The following COL6A3 variants were observed in gnomAD, a reference collection of about 807,000 sequenced individuals.
COL6A3 encodes collagen type VI alpha 3 chain.
COL6A3 carries 137 observed loss-of-function variants against 274.1 expected under a neutral mutation model. That is an observed-to-expected ratio of 0.50 (90% CI 0.44 to 0.58). The LOEUF is 0.58. Among genes scored for constraint, COL6A3 ranks in the 20% least tolerant of loss-of-function variants. The pLI, the probability that COL6A3 is intolerant of heterozygous loss-of-function variation, is 0.00. For synonymous variants in COL6A3, 1,650 were observed against 1,650.6 expected (o/e 1.00, Z 0.01); for missense variants, 3,950 against 4,124.9 (o/e 0.96, Z 1.16).
At chr2:237,408,314 C>T (rs2078770471) in intron 1 of COL6A3, among the ~76,000 whole-genome samples, 1 of 152,222 alleles carries the variant, frequency 6.6e-6, no homozygotes, top group African/African-American at 2.4e-5. Context: ...GGCTCCTTGC[C>T]TGTTGCTCGA....
At chr2:237,369,778 A>C (rs1208259092) in intron 9 of COL6A3, among the ~76,000 whole-genome samples, 1 of 151,804 alleles carries the variant, frequency 6.6e-6, no homozygotes, top group Non-Finnish European at 1.5e-5. Flanking sequence ...TTTTGCTCAC[A>C]CATCTCTAGC....
In COL6A3 at chr2:237,381,354, C is replaced by T. The variant is rs752894703; in HGVS notation, c.1458G>A (p.Val486=). Residue 486 remains valine, a synonymous_variant, in exon 5 of 44, where the codon GTG becomes GTA. Transcript: ENST00000295550. ...GCCTCACAGTGTCTGCATACTGGGC[C>T]ACTGCCACCTGGATAAGATCCTGTC... ...EIGQDLIQVA[V]AQYADTVRPE... is the part of the protein sequence containing the mutation. 8 of 1,614,196 alleles carry T rather than the reference C, an allele frequency of 5.0e-6. No homozygotes were observed. The South Asian group carries it at 7.7e-5, about 16-fold the overall frequency.
Position 237,413,258 on chromosome 2 carries a change from C to T in COL6A3, c.-31+695G>A, listed in dbSNP as rs1270841567. On this transcript the variant is annotated intron_variant, in intron 1 of 43. Transcript: ENST00000295550. The surrounding 1 kb of genome is among the most constrained non-coding windows in gnomAD (Gnocchi z 4.0). The stretch of plus-strand genomic sequence containing the variant: ...AGACACTCAGCATGCTGCCCAAATG[C>T]CCAATTCCTTCTTCTCCTCTGACCC... Among the ~76,000 whole-genome samples, 1 of 152,210 alleles carries T rather than the reference C, an allele frequency of 6.6e-6. No homozygotes were observed. The highest frequency in any genetic ancestry group is 1.9e-4 in the East Asian group (1 of 5,196).
chr2:237,366,560 G>A (rs2077557209), intron 11 of COL6A3, 127 bp downstream of exon 11: 2 of 1,395,128 alleles, frequency 1.4e-6, no homozygotes, highest in Middle Eastern at 1.8e-4. Context: ...GTCCCAGTGG[G>A]TATAAGTAAA....
intron 4 of COL6A3, among the ~76,000 whole-genome samples, chr2:237,387,131 C>T (rs1046648824): frequency 3.3e-5 from 5 of 152,196 alleles, no homozygotes; most frequent in African/African-American, 1.2e-4. Context: ...GAGACACCCT[C>T]ACTCCATCTT....
intron 24 of COL6A3, among the ~76,000 whole-genome samples, chr2:237,353,845 A>G (rs1013290865): frequency 6.6e-6 from 1 of 152,268 alleles, no homozygotes; most frequent in Middle Eastern, 3.4e-3. Context: ...AGGCTGTTTA[A>G]GGAGACGGCT....
At chr2:237,355,037 AGGG>A in intron 23 of COL6A3, 103 bp from the exon 24 acceptor site, 2 of 1,109,326 alleles carry the variant, frequency 1.8e-6, no homozygotes, top group Non-Finnish European at 2.7e-6. Flanking sequence ...GCGGTTACTC[AGGG>A]GAATCTTCCC....
At chr2:237,403,399 T>C (rs1000414948) in intron 1 of COL6A3, among the ~76,000 whole-genome samples, 2 of 152,184 alleles carry the variant, frequency 1.3e-5, no homozygotes, top group African/African-American at 4.8e-5. Flanking sequence ...ATGAAACAAA[T>C]GTACCCTGTG....
At position 237,369,135 on chromosome 2, in the gene COL6A3, C is replaced by T; in HGVS notation, c.4328G>A (p.Ser1443Asn). 1 of 1,613,806 alleles carries T rather than the reference C, an allele frequency of 6.2e-7. No homozygotes were observed. Among genetic ancestry groups the T allele is most frequent in the Non-Finnish European group, 8.5e-7 (1 of 1,180,052 alleles). The change falls in exon 10 of 44, where the codon AGC becomes AAC. Residue 1443 changes from serine (S) to asparagine (N), a missense_variant. Physicochemically the swap from Ser to Asn is conservative, Grantham distance 46 (BLOSUM62 1). This residue lies in a region of COL6A3 where 1,934 missense variants were observed against 1,984.3 expected (regional missense o/e 0.97). Transcript: ENST00000295550. Reference protein sequence around the residue: ...DAADIVFLIDSSEGVRPDGFA... With the variant: ...DAADIVFLIDNSEGVRPDGFA... ...GCCATCTGGCCTAACTCCCTCAGAG[C>T]TGTCGATCAGAAAGACAATGTCTGC...
intron 14 of COL6A3, 54 bp downstream of exon 14, chr2:237,363,199 C>G (rs2077476397): frequency 6.3e-7 from 1 of 1,593,142 alleles, no homozygotes; most frequent in Non-Finnish European, 8.6e-7. Context: ...CTTGAAATGC[C>G]AAAAGGTGTG....
At chr2:237,382,350 T>C (rs2078029081) in intron 4 of COL6A3, among the ~76,000 whole-genome samples, 1 of 151,968 alleles carries the variant, frequency 6.6e-6, no homozygotes, top group Non-Finnish European at 1.5e-5. Flanking sequence ...ACCACTGCAC[T>C]CCAGCCTGGG....
chr2:237,346,704 T>C, intron 31 of COL6A3, 139 bp from the exon 32 acceptor site: 1 of 757,176 alleles, frequency 1.3e-6, no homozygotes, highest in Non-Finnish European at 2.3e-6. Context: ...TTAAGGGAGC[T>C]AAAATGTCTC....
At position 237,401,745 on chromosome 2, in the gene COL6A3, C is replaced by CA. The variant is rs2078596006; in HGVS notation, c.-30-4899dup. 2.6e-5 allele frequency among the ~76,000 whole-genome samples: 4 copies of CA among 151,786 alleles called. No individual in the cohort carries two copies. The South Asian group carries it at 8.3e-4, about 31-fold the overall frequency. On this transcript the variant is annotated intron_variant, in intron 1 of 43. Transcript: ENST00000295550. ...TGTCACCCAGACTGGAGTGCAGTGT[C>CA]ACGATCACAGCTCACTGCAGCCTCA...
chr2:237,370,805 A>T (rs2077668395), intron 9 of COL6A3, among the ~76,000 whole-genome samples: 1 of 152,204 alleles, frequency 6.6e-6, no homozygotes. Flanking sequence ...GGTCCAGCAC[A>T]CATGGCCTTG....
chr2:237,379,224 T>A lies in COL6A3; in HGVS notation c.1909A>T (p.Lys637Ter). 6.2e-7 allele frequency: 1 copy of A among 1,614,196 alleles called. No individual in the cohort carries two copies. Among genetic ancestry groups the A allele is most frequent in the Non-Finnish European group, 8.5e-7 (1 of 1,180,020 alleles). ...TCCAAAAGAAAGATGATATCCCTTT[T>A]GTTTGAGTGAACTGCAGTGAAGCAC... The part of the protein sequence containing the change: ...LSGTPEVHSN[K>*]RDIIFLLDGS... The change falls in exon 6 of 44, where the codon AAA becomes TAA. Residue 637 changes from lysine to a stop codon, truncating the protein, a stop_gained. Transcript: ENST00000295550. LOFTEE classifies it high-confidence loss of function.
At position 237,360,129 on chromosome 2, in the gene COL6A3, T is replaced by A. The variant is rs760114479; in HGVS notation, c.6241A>T (p.Thr2081Ser). 1.1e-5 allele frequency: 18 copies of A among 1,613,924 alleles called. No homozygotes were observed. Among genetic ancestry groups the A allele is most frequent in the Non-Finnish European group, 1.4e-5 (16 of 1,180,020 alleles). ...GERGPPGVNGTQGFQGCPGQR... is the reference protein window; with the variant it reads ...GERGPPGVNGSQGFQGCPGQR... ...CCCGGGCAGCCCTGGAAACCTTGAG[T>A]GCCGTTCACACCAGGCGGACCACGC... The change falls in exon 17 of 44, where the codon ACT (threonine) becomes TCT (serine). Residue 2081 changes from threonine (T) to serine (S), a missense_variant. By Grantham distance (58) the Thr-to-Ser change is moderately conservative. Around this residue, in one of 5 missense-constraint regions of COL6A3, gnomAD observed 92 missense variants for 143.4 expected, o/e 0.64. Coordinates refer to ENST00000295550, the MANE Select transcript of COL6A3 (RefSeq NM_004369.4).
intron 30 of COL6A3, 97 bp from the exon 31 acceptor site, chr2:237,347,966 A>T (rs771968577): frequency 8.7e-7 from 1 of 1,144,550 alleles, no homozygotes; most frequent in East Asian, 2.5e-5. Flanking sequence ...TGTGGGTCAC[A>T]CTTTTCCCGG....
intron 20 of COL6A3, 129 bp from the exon 21 acceptor site, chr2:237,358,712 G>C (rs2077371614): frequency 1.1e-6 from 1 of 904,142 alleles, no homozygotes; most frequent in Non-Finnish European, 1.8e-6. Flanking sequence ...TCACCATGAA[G>C]GCAAATTCAC....
In COL6A3 at chr2:237,374,792, A is replaced by G; in HGVS notation, c.3299T>C (p.Leu1100Pro). The change falls in exon 8 of 44, where the codon CTG becomes CCG. Residue 1100 changes from leucine (L) to proline (P), a missense_variant. Coordinates refer to ENST00000295550, the MANE Select transcript of COL6A3 (RefSeq NM_004369.4). The surrounding 1 kb of genome is among the most constrained non-coding windows in gnomAD (Gnocchi z 4.8). ...GGTGTTGGGGGTCGGCCCTCCCAGC[A>G]GGGTCAGCTGGCGGACAGCGTTGAC... is the stretch of plus-strand genomic sequence containing the variant. ...DVVNAVRQLT[L>P]LGGPTPNTGA... The G allele has an allele frequency of 6.2e-7, 1 of 1,614,068 alleles. No homozygotes were observed. Among genetic ancestry groups the G allele is most frequent in the Non-Finnish European group, 8.5e-7 (1 of 1,180,006 alleles).
Sources: gnomAD v4.1 joint callset for allele counts (sites outside exome capture counted in the v4.1 genomes callset) on GRCh38, gnomAD v4.1.1 for gene constraint, gnomAD v4.1.1 regional missense constraint, Gnocchi (gnomAD v3.1) non-coding constraint, MANE v1.5 for transcripts, NCBI Gene and HGNC (gene_info 2026-07-23, HGNC 2026-07-21) for gene names.